Variants in USP19 observed in about 807,000 individuals in gnomAD.
The protein encoded by USP19 is ubiquitin carboxyl-terminal hydrolase 19.
USP19 carries 40 observed loss-of-function variants against 144.8 expected under a neutral mutation model. The observed-to-expected ratio is 0.28, with a 90% CI of 0.21 to 0.36. The LOEUF is 0.36. Among genes scored for constraint, USP19 ranks in the 10% least tolerant of loss-of-function variants. The pLI is 1.00. For missense variants in USP19, 1,518 were observed against 1,822.5 expected, an observed-to-expected ratio of 0.83 and a Z score of 3.04; for synonymous variants, 701 against 709.3, an observed-to-expected ratio of 0.99 and a Z score of 0.19.
chr3:49,118,017 G>T lies in USP19; in HGVS notation c.228C>A (p.His76Gln). 1 of 1,604,322 alleles carries T rather than the reference G, an allele frequency of 6.2e-7. No individual in the cohort carries two copies. The highest frequency in any genetic ancestry group is 8.5e-7 in the Non-Finnish European group (1 of 1,177,712). Residue 76 changes from histidine (H) to glutamine (Q), a missense_variant, in exon 3 of 27, where the codon CAC becomes CAA. His to Gln is a conservative substitution (Grantham distance 24). Around this residue, in one of 5 missense-constraint regions of USP19, gnomAD observed 707 missense variants for 728.9 expected, o/e 0.97. Transcript: ENST00000417901. ...ATGAAGGAAAGAACAGCCGGGTACG[G>T]TGGCGTGAGCCTGTGATCCCAGCTG... ...SHAAGITGSR[H>Q]RTRLFFPSSS...
intron 1 of USP19, among the ~76,000 whole-genome samples, chr3:49,120,200 C>G (rs894867531): frequency 1.4e-4 from 21 of 152,210 alleles, no homozygotes; most frequent in Admixed American, 4.6e-4. Context: ...CAAGCCTGGC[C>G]TGAACCAGTA....
At position 49,117,438 on chromosome 3, in the gene USP19, A is replaced by G; in HGVS notation, c.605T>C (p.Leu202Pro). Residue 202 changes from leucine (L) to proline (P), a missense_variant and splice_region_variant, in exon 5 of 27, where the codon CTG (leucine) becomes CCG (proline). Transcript: ENST00000417901. This position sits in a 1 kb window ranked among gnomAD's most constrained non-coding sequence, Gnocchi z 4.4. ...CAACCCTGTACTACTAGAACTCACC[A>G]GGAGGGAGGGCCACGTGAGCATAGG... The part of the protein sequence containing the change: ...KVPMLTWPSL[L>P]KKPLGTQELV... 6.2e-7 allele frequency: 1 copy of G among 1,614,092 alleles called. No individual in the cohort carries two copies. Among genetic ancestry groups the G allele is most frequent in the Non-Finnish European group, 8.5e-7 (1 of 1,180,008 alleles).
Position 49,110,394 on chromosome 3 carries a change from T to G in USP19, c.3860-32A>C, listed in dbSNP as rs2042967105. On this transcript the variant is annotated intron_variant, in intron 25 of 26. Coordinates refer to ENST00000417901, the MANE Select transcript of USP19 (RefSeq NM_001199161.2). The surrounding 1 kb of genome is among the most constrained non-coding windows in gnomAD (Gnocchi z 6.1). ...CAGGGTGGGAAGAGTGTGAACAAAG[T>G]CTGCACCACCACCCCTACCACCTAT... The G allele has an allele frequency of 6.2e-7, 1 of 1,602,494 alleles. No homozygotes were observed. Among genetic ancestry groups the G allele is most frequent in the South Asian group, 1.1e-5 (1 of 89,524 alleles).
intron 26 of USP19, chr3:49,109,222 G>T (rs930730141): frequency 3.2e-5 from 46 of 1,425,566 alleles, no homozygotes; most frequent in Non-Finnish European, 4.0e-5. Context: ...CACCCCGGGG[G>T]TGGGGAGGAC....
In USP19 at chr3:49,116,036, C is replaced by T. The variant is rs750454604; in HGVS notation, c.1471+11G>A. On this transcript the variant is annotated intron_variant, in intron 10 of 26. Coordinates refer to ENST00000417901, the MANE Select transcript of USP19 (RefSeq NM_001199161.2). This position sits in a 1 kb window ranked among gnomAD's most constrained non-coding sequence, Gnocchi z 5.0. ...GTGGAACTGGGCAATGAAGGGAGCTCGTGTGCAGACCTCGTGCAGCCGGGG... is the reference window on the plus strand; with the variant it reads ...GTGGAACTGGGCAATGAAGGGAGCTTGTGTGCAGACCTCGTGCAGCCGGGG... 16 of 1,590,822 alleles carry T rather than the reference C, an allele frequency of 1.0e-5. No individual in the cohort carries two copies. The highest frequency in any genetic ancestry group is 1.2e-5 in the Non-Finnish European group (14 of 1,172,976).
Position 49,112,394 on chromosome 3 carries a change from C to T in USP19, c.2655G>A (p.Gln885=). Residue 885 remains glutamine (Q), a synonymous_variant, in exon 19 of 27, where the codon CAG becomes CAA. Transcript: ENST00000417901. This position sits in a 1 kb window ranked among gnomAD's most constrained non-coding sequence, Gnocchi z 4.9. Reference sequence around the variant, plus strand: ...ACTTGGAGATGGGGACGCTGGGCACCTGGGGGCGCTAGGGTGGGTCGTCTG... The same window carrying T: ...ACTTGGAGATGGGGACGCTGGGCACTTGGGGGCGCTAGGGTGGGTCGTCTG... ...VVVLEVQQRP[Q]VPSVPISKCA... 1 of 1,613,970 alleles carries T rather than the reference C, an allele frequency of 6.2e-7. No individual in the cohort carries two copies. The highest frequency in any genetic ancestry group is 8.5e-7 in the Non-Finnish European group (1 of 1,179,944).
Position 49,110,600 on chromosome 3 carries a change from G to A in USP19, c.3703C>T (p.Leu1235=). Residue 1235 remains leucine (L), a synonymous_variant, in exon 25 of 27, where the codon CTG becomes TTG. Coordinates refer to ENST00000417901, the MANE Select transcript of USP19 (RefSeq NM_001199161.2). The surrounding 1 kb of genome is among the most constrained non-coding windows in gnomAD (Gnocchi z 6.1). ...CCAATGCAGAACTTGCTCAGGTCCA[G>A]GTTCCTGCAGGTCAGGTCCAGTCAG... ...NDLVEFPVRN[L]DLSKFCIGQK... is the part of the protein sequence containing the mutation. The A allele has an allele frequency of 6.2e-7, 1 of 1,613,852 alleles. No homozygotes were observed. The highest frequency in any genetic ancestry group is 8.5e-7 in the Non-Finnish European group (1 of 1,179,984).
Position 49,115,199 on chromosome 3 carries a change from A to T in USP19, c.2022+29T>A. 1 of 1,613,450 alleles carries T rather than the reference A, an allele frequency of 6.2e-7. No homozygotes were observed. The highest frequency in any genetic ancestry group is 8.5e-7 in the Non-Finnish European group (1 of 1,179,858). ...CTGGCTGGCCCTCCCCGCCCCCTCC[A>T]GCCAAGGGTGACAGTGGTCACAGAT... On this transcript the variant is annotated intron_variant, in intron 13 of 26. Transcript: ENST00000417901. This position sits in a 1 kb window ranked among gnomAD's most constrained non-coding sequence, Gnocchi z 6.6.
Position 49,116,799 on chromosome 3 carries a change from T to C in USP19, c.1054A>G (p.Arg352Gly), listed in dbSNP as rs372990899. ...DPVSPAMVRS[R>G]NPGKDDCAKE... ...GCACAGTCATCTTTCCCAGGGTTTC[T>C]GCTCCGGACCATGGCTGGAGAGACT... The change falls in exon 7 of 27, where the codon AGA becomes GGA. Residue 352 changes from arginine to glycine, a missense_variant. By Grantham distance (125) the Arg-to-Gly change is moderately radical. Around this residue, in one of 5 missense-constraint regions of USP19, gnomAD observed 707 missense variants for 728.9 expected, o/e 0.97. Coordinates refer to ENST00000417901, the MANE Select transcript of USP19 (RefSeq NM_001199161.2). The surrounding 1 kb of genome is among the most constrained non-coding windows in gnomAD (Gnocchi z 5.0). 3 of 1,614,068 alleles carry C rather than the reference T, an allele frequency of 1.9e-6. No homozygotes were observed. The highest frequency in any genetic ancestry group is 2.7e-5 in the African/African-American group (2 of 74,994).
At position 49,117,947 on chromosome 3, in the gene USP19, C is replaced by G; in HGVS notation, c.298G>C (p.Gly100Arg). The G allele has an allele frequency of 1.9e-6, 3 of 1,613,034 alleles. No individual in the cohort carries two copies. The highest frequency in any genetic ancestry group is 3.4e-5 in the Admixed American group (2 of 59,540). Residue 100 changes from glycine (G) to arginine (R), a missense_variant and splice_region_variant, in exon 3 of 27, where the codon GGA (glycine) becomes CGA (arginine). Coordinates refer to ENST00000417901, the MANE Select transcript of USP19 (RefSeq NM_001199161.2). This position sits in a 1 kb window ranked among gnomAD's most constrained non-coding sequence, Gnocchi z 4.4. ...STPQEEQTKE[G>R]ACEDPHDLLA... ...AACAAAAAGCCCATTCGTTACTGAC[C>G]CTCTTTGGTCTGCTCCTCTTGAGGA...
In USP19 at chr3:49,115,810, G is replaced by A; in HGVS notation, c.1606C>T (p.Arg536Ter). The A allele has an allele frequency of 6.2e-7, 1 of 1,614,020 alleles. No homozygotes were observed. Among genetic ancestry groups the A allele is most frequent in the Non-Finnish European group, 8.5e-7 (1 of 1,179,914 alleles). Residue 536 changes from arginine to a stop codon, truncating the protein, a stop_gained, in exon 11 of 27, where the codon CGA becomes TGA. Coordinates refer to ENST00000417901, the MANE Select transcript of USP19 (RefSeq NM_001199161.2). LOFTEE classifies it high-confidence loss of function. This position sits in a 1 kb window ranked among gnomAD's most constrained non-coding sequence, Gnocchi z 6.6. Reference sequence around the variant, plus strand: ...CTGTCTAGCCCTGTGTCCTCAGATCGTGCCTTGGATTTATCCTTCTCCACA... The same window carrying A: ...CTGTCTAGCCCTGTGTCCTCAGATCATGCCTTGGATTTATCCTTCTCCACA... ...RAVEKDKSKA[R>*]SEDTGLDSVA...
chr3:49,114,315 G>A lies in USP19; in HGVS notation c.2293-31C>T. On this transcript the variant is annotated intron_variant, in intron 15 of 26. Coordinates refer to ENST00000417901, the MANE Select transcript of USP19 (RefSeq NM_001199161.2). This position sits in a 1 kb window ranked among gnomAD's most constrained non-coding sequence, Gnocchi z 4.5. Reference sequence around the variant, plus strand: ...GATGTAGAGGTGGCACTGGGTAGCTGCACACAGAGTGGGAGATAAGATGCT... The same window carrying A: ...GATGTAGAGGTGGCACTGGGTAGCTACACACAGAGTGGGAGATAAGATGCT... 6.3e-7 allele frequency: 1 copy of A among 1,597,904 alleles called. No individual in the cohort carries two copies. The highest frequency in any genetic ancestry group is 8.6e-7 in the Non-Finnish European group (1 of 1,165,786).
chr3:49,111,573 A>G lies in USP19; in HGVS notation c.3144T>C (p.Ser1048=), dbSNP rs749105844. The G allele has an allele frequency of 2.2e-5, 36 of 1,612,974 alleles. No homozygotes were observed. The Admixed American group carries it at 6.0e-4, about 27-fold the overall frequency. ...RGPVPSTSGI[S]SEMLASGPIE... is the part of the protein sequence containing the mutation. Reference sequence around the variant, plus strand: ...TGGGCCCACTGGCCAGCATCTCAGAAGAAATTCCACTGGTGCTGGGCACAG... The same window carrying G: ...TGGGCCCACTGGCCAGCATCTCAGAGGAAATTCCACTGGTGCTGGGCACAG... Residue 1048 remains serine (S), a synonymous_variant, in exon 21 of 27, where the codon TCT becomes TCC. Transcript: ENST00000417901. This position sits in a 1 kb window ranked among gnomAD's most constrained non-coding sequence, Gnocchi z 5.9.
Position 49,116,371 on chromosome 3 carries a change from T to G in USP19, c.1284-20A>C. On this transcript the variant is annotated intron_variant, in intron 8 of 26. Coordinates refer to ENST00000417901, the MANE Select transcript of USP19 (RefSeq NM_001199161.2). This position sits in a 1 kb window ranked among gnomAD's most constrained non-coding sequence, Gnocchi z 5.0. The stretch of plus-strand genomic sequence containing the variant: ...CCATCCCTGCAGAGGCACAGCAGGA[T>G]AGGAGGAAGGACAAGAGGAAGAGCA... 1 of 1,613,980 alleles carries G rather than the reference T, an allele frequency of 6.2e-7. No individual in the cohort carries two copies. The highest frequency in any genetic ancestry group is 8.5e-7 in the Non-Finnish European group (1 of 1,179,992).
chr3:49,116,662 C>T lies in USP19; in HGVS notation c.1127-55G>A. On this transcript the variant is annotated intron_variant, in intron 7 of 26. Coordinates refer to ENST00000417901, the MANE Select transcript of USP19 (RefSeq NM_001199161.2). This position sits in a 1 kb window ranked among gnomAD's most constrained non-coding sequence, Gnocchi z 5.0. The stretch of plus-strand genomic sequence containing the variant: ...CAGGACAGGTTCCAGCCTATTGCTA[C>T]TCTCTATCCACCTACAAACTTTGCA... 7 of 1,611,366 alleles carry T rather than the reference C, an allele frequency of 4.3e-6. No individual in the cohort carries two copies. The highest frequency in any genetic ancestry group is 5.9e-6 in the Non-Finnish European group (7 of 1,178,256).
chr3:49,115,624 T>G lies in USP19; in HGVS notation c.1708A>C (p.Met570Leu). ...GGGCTGTGGGGCATGGGAGGCACCATGCATGTAGGCTTGGGCTGCAGGAGC... is the reference window on the plus strand; with the variant it reads ...GGGCTGTGGGGCATGGGAGGCACCAGGCATGTAGGCTTGGGCTGCAGGAGC... ...THLASPKPTC[M>L]VPPMPHSPVS... is the part of the protein sequence containing the mutation. Residue 570 changes from methionine (M) to leucine (L), a missense_variant, in exon 12 of 27, where the codon ATG becomes CTG. By Grantham distance (15) the Met-to-Leu change is conservative (BLOSUM62 2). This residue lies in a region of USP19 where 158 missense variants were observed against 277.3 expected (regional missense o/e 0.57). Transcript: ENST00000417901. The surrounding 1 kb of genome is among the most constrained non-coding windows in gnomAD (Gnocchi z 6.6). The G allele has an allele frequency of 6.2e-7, 1 of 1,609,164 alleles. No individual in the cohort carries two copies. The highest frequency in any genetic ancestry group is 8.5e-7 in the Non-Finnish European group (1 of 1,177,568).
chr3:49,115,432 C>T lies in USP19; in HGVS notation c.1888+12G>A, dbSNP rs1445822200. ...CTCTGCCCATAACCCAGGCTCCAGG[C>T]CCTGCCCTCACCATGGAAGAAGTCC... is the stretch of plus-strand genomic sequence containing the variant. On this transcript the variant is annotated intron_variant, in intron 12 of 26. Coordinates refer to ENST00000417901, the MANE Select transcript of USP19 (RefSeq NM_001199161.2). The surrounding 1 kb of genome is among the most constrained non-coding windows in gnomAD (Gnocchi z 6.6). 1.2e-6 allele frequency: 2 copies of T among 1,613,804 alleles called. No homozygotes were observed. Among genetic ancestry groups the T allele is most frequent in the Non-Finnish European group, 1.7e-6 (2 of 1,179,774 alleles).
chr3:49,110,641 G>C lies in USP19; in HGVS notation c.3699-37C>G, dbSNP rs1429884117. The stretch of plus-strand genomic sequence containing the variant: ...GTCCAGTCAGGGAGGGGTGAGACAG[G>C]CAACAGGCGCTCAGGATGCCCATCC... On this transcript the variant is annotated intron_variant, in intron 24 of 26. Coordinates refer to ENST00000417901, the MANE Select transcript of USP19 (RefSeq NM_001199161.2). The surrounding 1 kb of genome is among the most constrained non-coding windows in gnomAD (Gnocchi z 6.1). The C allele has an allele frequency of 1.9e-6, 3 of 1,611,828 alleles. No individual in the cohort carries two copies. Among genetic ancestry groups the C allele is most frequent in the Non-Finnish European group, 1.7e-6 (2 of 1,178,596 alleles).
chr3:49,118,095 C>G lies in USP19; in HGVS notation c.150G>C (p.Gln50His). Residue 50 changes from glutamine (Q) to histidine (H), a missense_variant, in exon 3 of 27, where the codon CAG (glutamine) becomes CAC (histidine). Transcript: ENST00000417901. ...CTGAGGCCAGAGGTTCAAGACCAGC[C>G]TGGGCAACATATCGAGACCCTGTCT... is the stretch of plus-strand genomic sequence containing the variant. ...RKETGSRYVAQAGLEPLASGD... is the reference protein window; with the variant it reads ...RKETGSRYVAHAGLEPLASGD... 1 of 1,453,840 alleles carries G rather than the reference C, an allele frequency of 6.9e-7. No individual in the cohort carries two copies. 90.1% of individuals were successfully genotyped at this position (1,453,840 alleles called of 1,614,324 possible). A position where few individuals can be genotyped will look rare whatever the true frequency, so the allele number is the denominator to read the frequency against.
Sources: allele counts gnomAD v4.1 joint callset (sites outside exome capture counted in the v4.1 genomes callset), GRCh38; gene constraint gnomAD v4.1.1; regional missense constraint gnomAD v4.1.1; non-coding constraint Gnocchi (gnomAD v3.1); transcripts MANE v1.5; gene names NCBI Gene and HGNC (gene_info 2026-07-23, HGNC 2026-07-21).